Variants in DST observed in about 807,000 individuals in gnomAD.
DST encodes bullous pemphigoid antigen.
Under a neutral mutation model 875.2 loss-of-function variants are expected in DST, and 253 were observed. The ratio of observed to expected loss-of-function variants is 0.29; its 90% CI spans 0.26 to 0.32. DST has a LOEUF of 0.32. DST is among the 10% of genes least tolerant of loss of function. The probability of loss-of-function intolerance (pLI) is 1.00; values close to 1 mark genes in which losing one functional copy is unlikely to be tolerated. For missense variants in DST, 8,287 were observed against 9,111.6 expected (o/e 0.91, Z 3.68); for synonymous variants, 3,124 against 3,197.1 (o/e 0.98, Z 0.77).
At chr6:56,766,172 C>T (rs1379357425) in intron 4 of DST, among the ~76,000 whole-genome samples, 2 of 152,184 alleles carry the variant, frequency 1.3e-5, no homozygotes, top group African/African-American at 4.8e-5. Flanking sequence ...GACTTCAAGT[C>T]AAAGTCAATT....
chr6:56,944,046 G>A (rs147907218), intron 2 of DST, among the ~76,000 whole-genome samples: 7,815 of 152,156 alleles, frequency 0.051, 359 homozygotes, highest in East Asian at 0.18. Flanking sequence ...GAACCCAGGA[G>A]GCAGAGGTTG....
chr6:56,937,914 TTA>T (rs1206794957), intron 2 of DST, among the ~76,000 whole-genome samples: 2 of 152,142 alleles, frequency 1.3e-5, no homozygotes, highest in Non-Finnish European at 2.9e-5. Context: ...AGACTACATA[TTA>T]TATGATTCTA....
At chr6:56,731,316 G>T (rs1230190299) in intron 5 of DST, among the ~76,000 whole-genome samples, 1 of 152,224 alleles carries the variant, frequency 6.6e-6, no homozygotes, top group South Asian at 2.1e-4. Flanking sequence ...GGACTCAAGA[G>T]ACTCTCCCAC....
intron 5 of DST, among the ~76,000 whole-genome samples, chr6:56,723,387 A>G (rs2099429723): frequency 6.6e-6 from 1 of 152,226 alleles, no homozygotes; most frequent in African/African-American, 2.4e-5. Context: ...CAACATGGTG[A>G]AACCCTGTCT....
intron 69 of DST, among the ~76,000 whole-genome samples, chr6:56,523,574 T>C (rs1346060063): frequency 1.3e-5 from 2 of 152,182 alleles, no homozygotes; most frequent in Non-Finnish European, 2.9e-5. Flanking sequence ...AAAGTGCTTA[T>C]GCTTTTGTTA....
chr6:56,564,184 G>A (rs573387759), intron 55 of DST, among the ~76,000 whole-genome samples: 2 of 152,122 alleles, frequency 1.3e-5, no homozygotes, highest in Admixed American at 6.6e-5. Flanking sequence ...CCATTTTCAC[G>A]ATATTGATTC....
chr6:56,773,502 A>C (rs2099671621), intron 4 of DST, among the ~76,000 whole-genome samples: 1 of 152,088 alleles, frequency 6.6e-6, no homozygotes, highest in Admixed American at 6.6e-5. Context: ...TATATATGAG[A>C]TATTCAGGCA....
chr6:56,686,618 A>G (rs1176987631), intron 9 of DST, among the ~76,000 whole-genome samples: 2 of 152,234 alleles, frequency 1.3e-5, no homozygotes. Context: ...TGTATGACAC[A>G]TAATAGATAC....
At chr6:56,701,301 C>G (rs2099304142) in intron 8 of DST, among the ~76,000 whole-genome samples, 1 of 151,974 alleles carries the variant, frequency 6.6e-6, no homozygotes, top group Non-Finnish European at 1.5e-5. Context: ...AAGATCATAT[C>G]CAATATATTA....
At chr6:56,817,475 G>A (rs2099767924) in intron 4 of DST, among the ~76,000 whole-genome samples, 1 of 151,980 alleles carries the variant, frequency 6.6e-6, no homozygotes, top group South Asian at 2.1e-4. Flanking sequence ...GGGATACTGT[G>A]GGGAAAAAAA....
At chr6:56,660,924 G>T (rs1022082029) in intron 10 of DST, among the ~76,000 whole-genome samples, 3 of 151,432 alleles carry the variant, frequency 2.0e-5, no homozygotes, top group Non-Finnish European at 4.4e-5. Context: ...AGTACTTCAA[G>T]GTTAGAGTCT....
rs200735287 is a variant in DST at position 56,625,237 on chromosome 6, G to A, written c.4750C>T (p.Arg1584Trp). The change falls in exon 35 of 104, where the codon CGG becomes TGG. Residue 1584 changes from arginine to tryptophan, a missense_variant. This residue lies in a region of DST where 3,138 missense variants were observed against 3,116.6 expected (regional missense o/e 1.01). Coordinates refer to ENST00000680361, the MANE Select transcript of DST (RefSeq NM_001374736.1). ...KDYELQTMTY[R>W]AMVDSQQKSP... The stretch of plus-strand genomic sequence containing the variant: ...TTTTGTTGTGAATCTACCATGGCCC[G>A]GTAGGTCATTGTTTGTAATTCATAG... 3.6e-5 allele frequency: 58 copies of A among 1,612,816 alleles called. No individual in the cohort carries two copies. The highest frequency in any genetic ancestry group is 2.0e-4 in the East Asian group (9 of 44,806).
At chr6:56,785,600 C>T (rs1437287740) in intron 4 of DST, among the ~76,000 whole-genome samples, 1 of 152,116 alleles carries the variant, frequency 6.6e-6, no homozygotes, top group Non-Finnish European at 1.5e-5. Context: ...CCCGATTTTC[C>T]AGGTGCCGTC....
intron 49 of DST, among the ~76,000 whole-genome samples, chr6:56,580,544 C>T (rs1562935352): frequency 6.9e-6 from 1 of 144,702 alleles, no homozygotes; most frequent in African/African-American, 2.6e-5. Flanking sequence ...GAGTGATATT[C>T]CTACTTTCTT....
In DST at chr6:56,871,790, A is replaced by G. The variant is rs988060529; in HGVS notation, c.418-20186T>C. On this transcript the variant is annotated intron_variant, in intron 3 of 103. Coordinates refer to ENST00000680361, the MANE Select transcript of DST (RefSeq NM_001374736.1). The stretch of plus-strand genomic sequence containing the variant: ...ACAATTAAAAGTAAAAAAAAAAAAA[A>G]AAAAAGAAAAAGAAAAGAGGTGTGG... The G allele has an allele frequency of 1.1e-4, 39 of 339,962 alleles. 1 individual carries two copies. The highest frequency in any genetic ancestry group is 2.1e-4 in the South Asian group (7 of 33,066). The allele number at this position is 339,962 out of a possible 1,614,324, so 21.1% of individuals were successfully genotyped here. A position where few individuals can be genotyped will look rare whatever the true frequency, so the allele number is the denominator to read the frequency against.
At chr6:56,620,791 A>C in intron 36 of DST, 1 of 1,370,566 alleles carries the variant, frequency 7.3e-7, no homozygotes, top group South Asian at 1.2e-5. Context: ...ATGTTCATAA[A>C]AGTACTTACA....
intron 5 of DST, among the ~76,000 whole-genome samples, chr6:56,733,196 C>A (rs13198399): frequency 2.6e-5 from 4 of 152,040 alleles, no homozygotes; most frequent in African/African-American, 9.7e-5. Context: ...AGGATTACCA[C>A]AGGTAAGCCA....
At chr6:56,903,270 C>T (rs1018333648) in intron 2 of DST, among the ~76,000 whole-genome samples, 142 of 152,228 alleles carry the variant, frequency 9.3e-4, no homozygotes, top group African/African-American at 3.3e-3. Context: ...CAGTGGACTA[C>T]AAATTCTAGA....
At chr6:56,675,415 C>A (rs2099123557) in intron 9 of DST, among the ~76,000 whole-genome samples, 1 of 151,936 alleles carries the variant, frequency 6.6e-6, no homozygotes, top group South Asian at 2.1e-4. Context: ...GAGATTACAG[C>A]AAATGAAAAA....
Sources: gnomAD v4.1 joint callset for allele counts (sites outside exome capture counted in the v4.1 genomes callset) on GRCh38, gnomAD v4.1.1 for gene constraint, gnomAD v4.1.1 regional missense constraint, MANE v1.5 for transcripts, NCBI Gene and HGNC (gene_info 2026-07-23, HGNC 2026-07-21) for gene names.